Variants in EXT1 observed in about 807,000 individuals in gnomAD.
EXT1 encodes exostosin-1.
Under a neutral mutation model 82.5 loss-of-function variants are expected in EXT1, and 20 were observed. The ratio of observed to expected loss-of-function variants is 0.24; its 90% CI spans 0.17 to 0.35. The LOEUF is 0.35. Among genes scored for constraint, EXT1 ranks in the 10% least tolerant of loss-of-function variants. The probability of loss-of-function intolerance (pLI) is 1.00; values close to 1 mark genes in which losing one functional copy is unlikely to be tolerated. For synonymous variants in EXT1, 348 were observed against 350.8 expected (o/e 0.99, Z 0.09); for missense variants, 757 against 936.5 (o/e 0.81, Z 2.50).
At chr8:117,938,877 T>C (rs1814218821) in intron 1 of EXT1, among the ~76,000 whole-genome samples, 1 of 152,218 alleles carries the variant, frequency 6.6e-6, no homozygotes, top group African/African-American at 2.4e-5. Flanking sequence ...GAAATATTTA[T>C]TGAATAATCA....
chr8:117,931,416 T>C (rs1219227710), intron 1 of EXT1, among the ~76,000 whole-genome samples: 1 of 152,008 alleles, frequency 6.6e-6, no homozygotes, highest in Admixed American at 6.6e-5. Context: ...GATAAATCTT[T>C]ATAAATTATA....
At position 117,794,871 on chromosome 8, in the gene EXT1, CCA is replaced by C. The variant is rs1239464272; in HGVS notation, c.*4839_*4840del. The C allele has an allele frequency of 1.3e-5, 2 of 152,266 alleles. No individual in the cohort carries two copies. The highest frequency in any genetic ancestry group is 3.9e-4 in the East Asian group (2 of 5,182). The allele number at this position is 152,266 out of a possible 1,614,324, so 9.4% of individuals were successfully genotyped here. A position where few individuals can be genotyped will look rare whatever the true frequency, so the allele number is the denominator to read the frequency against. ...TTACAATTTGCCACCTAAAATAGTT[CCA>C]GTTTTTGATGTCTTTCTTTCTGCCC... On this transcript the variant is annotated 3_prime_UTR_variant, in exon 11 of 11. Transcript: ENST00000378204.
At chr8:118,017,640 T>C (rs953603562) in intron 1 of EXT1, among the ~76,000 whole-genome samples, 2 of 152,238 alleles carry the variant, frequency 1.3e-5, no homozygotes, top group Non-Finnish European at 1.5e-5. Context: ...AATCTCCTAA[T>C]TGGCAGATTA....
At chr8:117,980,707 T>TG (rs1563619810) in intron 1 of EXT1, among the ~76,000 whole-genome samples, 47 of 42,124 alleles carry the variant, frequency 1.1e-3, no homozygotes, top group South Asian at 2.5e-3. Context: ...GGTTTTTTTT[T>TG]TTTTTTTTTT....
At chr8:117,984,020 T>C (rs913401197) in intron 1 of EXT1, among the ~76,000 whole-genome samples, 2 of 152,230 alleles carry the variant, frequency 1.3e-5, no homozygotes, top group Admixed American at 1.3e-4. Flanking sequence ...CTGTTCTGGG[T>C]GCTAAAGCTA....
intron 1 of EXT1, among the ~76,000 whole-genome samples, chr8:117,916,587 CAG>C (rs957896980): frequency 6.6e-6 from 1 of 152,162 alleles, no homozygotes; most frequent in Non-Finnish European, 1.5e-5. Flanking sequence ...GGCAGTTTAA[CAG>C]AGAGTTCAGA....
chr8:118,029,817 C>T (rs771529195), intron 1 of EXT1, among the ~76,000 whole-genome samples: 4 of 152,220 alleles, frequency 2.6e-5, no homozygotes, highest in Non-Finnish European at 5.9e-5. Flanking sequence ...CAAACTACAG[C>T]TCTCAGAGTG....
chr8:117,936,689 A>G (rs892314379), intron 1 of EXT1, among the ~76,000 whole-genome samples: 1 of 152,184 alleles, frequency 6.6e-6, no homozygotes, highest in African/African-American at 2.4e-5. Context: ...AGCCTGGCCA[A>G]CATAGTGAAA....
intron 1 of EXT1, among the ~76,000 whole-genome samples, chr8:117,987,588 G>A (rs183681582): frequency 2.6e-5 from 4 of 152,316 alleles, no homozygotes; most frequent in East Asian, 1.9e-4. Context: ...TTTACTCAGG[G>A]TATCAAAATC....
chr8:118,011,487 C>T (rs867510265), intron 1 of EXT1, among the ~76,000 whole-genome samples: 6 of 152,128 alleles, frequency 3.9e-5, no homozygotes, highest in Middle Eastern at 3.2e-3. Context: ...GAAAAAGTAT[C>T]GAGTAAATAC....
Position 118,006,370 on chromosome 8 carries a change from T to C in EXT1, c.962+103715A>G, listed in dbSNP as rs556684987. Among the ~76,000 whole-genome samples the C allele has an allele frequency of 5.3e-5, 8 of 152,294 alleles. No homozygotes were observed. In the East Asian group the frequency reaches 1.2e-3, roughly 22 times the overall value. On this transcript the variant is annotated intron_variant, in intron 1 of 10. Coordinates refer to ENST00000378204, the MANE Select transcript of EXT1 (RefSeq NM_000127.3). ...AGAATTATATGGATCTCTGAGGTTT[T>C]TGAGTACCACTAAAGGAGTATAGTG...
chr8:117,899,141 G>A lies in EXT1; in HGVS notation c.963-61940C>T, dbSNP rs140818997. 4.5e-3 allele frequency among the ~76,000 whole-genome samples: 685 copies of A among 152,234 alleles called. 4 individuals carry two copies. The highest frequency in any genetic ancestry group is 0.01 in the Middle Eastern group (3 of 294). On this transcript the variant is annotated intron_variant, in intron 1 of 10. Coordinates refer to ENST00000378204, the MANE Select transcript of EXT1 (RefSeq NM_000127.3). ...CACACATTTACGCTAGAGAGAAGAT[G>A]GTCTTCAGAATAAGCACTTACTAGG...
At chr8:118,085,753 T>C (rs1060540) in intron 1 of EXT1, among the ~76,000 whole-genome samples, 4 of 151,644 alleles carry the variant, frequency 2.6e-5, no homozygotes, top group Admixed American at 2.6e-4. Context: ...TTTACTGAAA[T>C]AAAAATGTAC....
intron 1 of EXT1, among the ~76,000 whole-genome samples, chr8:118,056,217 AC>A (rs1203870633): frequency 6.6e-6 from 1 of 152,224 alleles, no homozygotes; most frequent in African/African-American, 2.4e-5. Context: ...TGCTTCTCAA[AC>A]CTTTTTGAAA....
At chr8:118,015,798 G>C (rs1388137510) in intron 1 of EXT1, among the ~76,000 whole-genome samples, 1 of 152,178 alleles carries the variant, frequency 6.6e-6, no homozygotes. Context: ...GCCTGGAGTG[G>C]GGAGGGCCCT....
chr8:117,926,331 C>A (rs988426266), intron 1 of EXT1, among the ~76,000 whole-genome samples: 1 of 152,184 alleles, frequency 6.6e-6, no homozygotes, highest in African/African-American at 2.4e-5. Context: ...TGCTTTACAG[C>A]CTATAATCCT....
At chr8:117,817,771 T>C (rs185536893) in intron 7 of EXT1, among the ~76,000 whole-genome samples, 26 of 152,202 alleles carry the variant, frequency 1.7e-4, no homozygotes, top group Admixed American at 5.9e-4. Context: ...AGAGAAAAGA[T>C]TGGAAGGCTG....
chr8:118,037,415 T>C (rs1816442463), intron 1 of EXT1, among the ~76,000 whole-genome samples: 1 of 151,250 alleles, frequency 6.6e-6, no homozygotes, highest in African/African-American at 2.4e-5. Flanking sequence ...TCCTGCTCTG[T>C]CATTCAGGCT....
At chr8:117,945,258 A>G (rs2129682166) in intron 1 of EXT1, among the ~76,000 whole-genome samples, 1 of 152,334 alleles carries the variant, frequency 6.6e-6, no homozygotes, top group East Asian at 1.9e-4. Flanking sequence ...ATCACACAGC[A>G]AGTTGGTAAA....
Sources: gnomAD v4.1 joint callset for allele counts (sites outside exome capture counted in the v4.1 genomes callset) on GRCh38, gnomAD v4.1.1 for gene constraint, MANE v1.5 for transcripts, NCBI Gene and HGNC (gene_info 2026-07-23, HGNC 2026-07-21) for gene names.